Variants in ICA1 observed in about 807,000 individuals in gnomAD.
ICA1 encodes the protein islet cell autoantigen 1, also known as 69 kDa islet cell autoantigen.
In ICA1, 40 loss-of-function variants were observed where a neutral mutation model predicts 71.0. The ratio of observed to expected loss-of-function variants is 0.56; its 90% confidence interval spans 0.44 to 0.73. ICA1 has a LOEUF of 0.73. Ranked by LOEUF, ICA1 falls within the 30% of genes least tolerant of loss-of-function variation. The pLI, the probability that ICA1 is intolerant of heterozygous loss-of-function variation, is 0.00. For missense variants in ICA1, 578 were observed against 576.5 expected (o/e 1.00, Z -0.03); for synonymous variants, 207 against 209.5 (o/e 0.99, Z 0.10).
intron 6 of ICA1, among the ~76,000 whole-genome samples, chr7:8,214,953 T>C (rs754663412): frequency 9.2e-5 from 14 of 152,232 alleles, no homozygotes; most frequent in Non-Finnish European, 1.6e-4. Flanking sequence ...CCACGGAATC[T>C]GGTAGAGGTC....
chr7:8,229,297 G>C (rs939653027), intron 3 of ICA1, among the ~76,000 whole-genome samples: 42 of 152,182 alleles, frequency 2.8e-4, no homozygotes, highest in African/African-American at 9.7e-4. Flanking sequence ...ATAATGCCAT[G>C]CTGTGGCCAT....
chr7:8,203,697 T>G (rs1421544182), intron 6 of ICA1, among the ~76,000 whole-genome samples: 1 of 152,238 alleles, frequency 6.6e-6, no homozygotes, highest in Non-Finnish European at 1.5e-5. Flanking sequence ...TGTTCTTCAC[T>G]GGAAATGTCT....
intron 1 of ICA1, 81 bp from the exon 2 acceptor site, chr7:8,236,086 C>A: frequency 2.8e-6 from 2 of 724,592 alleles, no homozygotes; most frequent in South Asian, 4.0e-5. Flanking sequence ...AAGCCTTCAA[C>A]CTAAGCCATT....
intron 10 of ICA1, among the ~76,000 whole-genome samples, chr7:8,140,494 C>G (rs951155582): frequency 6.6e-6 from 1 of 152,158 alleles, no homozygotes; most frequent in East Asian, 1.9e-4. Context: ...TGCCCAAAGC[C>G]CTACACCTCT....
chr7:8,246,623 A>G (rs1221143302), intron 1 of ICA1, among the ~76,000 whole-genome samples: 1 of 152,234 alleles, frequency 6.6e-6, no homozygotes, highest in Admixed American at 6.5e-5. Context: ...AGTTGTTCTC[A>G]GCCACATCCA....
intron 6 of ICA1, among the ~76,000 whole-genome samples, chr7:8,215,102 CAA>C (rs1344478440): frequency 6.6e-6 from 1 of 152,086 alleles, no homozygotes; most frequent in African/African-American, 2.4e-5. Context: ...CTCCACCTTA[CAA>C]AGAACACAAA....
chr7:8,217,110 G>A (rs1795652169), intron 6 of ICA1, among the ~76,000 whole-genome samples: 1 of 152,180 alleles, frequency 6.6e-6, no homozygotes, highest in African/African-American at 2.4e-5. Context: ...TCTTCTATAA[G>A]ATGAGCGAGT....
At chr7:8,127,828 G>T in intron 13 of ICA1, 45 bp downstream of exon 13, 1 of 1,534,090 alleles carries the variant, frequency 6.5e-7, no homozygotes, top group Non-Finnish European at 8.8e-7. Flanking sequence ...AAAACAAAAA[G>T]AATGAACAAA....
At chr7:8,166,451 T>C (rs574407644) in intron 6 of ICA1, among the ~76,000 whole-genome samples, 194 of 152,258 alleles carry the variant, frequency 1.3e-3, no homozygotes, top group Middle Eastern at 0.01. Flanking sequence ...TGCAGAAGAC[T>C]GAAACTGGAC....
intron 1 of ICA1, among the ~76,000 whole-genome samples, chr7:8,242,323 A>C (rs551857591): frequency 1.3e-5 from 2 of 152,300 alleles, no homozygotes; most frequent in East Asian, 3.9e-4. Flanking sequence ...CTACTGGGTA[A>C]ATAATGAAAT....
intron 6 of ICA1, among the ~76,000 whole-genome samples, chr7:8,180,835 CTCTT>C (rs1369004969): frequency 1.3e-5 from 2 of 149,168 alleles, no homozygotes; most frequent in Admixed American, 6.7e-5. Flanking sequence ...CAGTCTCTCT[CTCTT>C]TTTTTTTTTT....
chr7:8,120,388 G>A (rs972589647), intron 13 of ICA1, among the ~76,000 whole-genome samples: 7 of 152,170 alleles, frequency 4.6e-5, no homozygotes, highest in African/African-American at 1.7e-4. Flanking sequence ...AATTATTTAG[G>A]GGAAGGGTGC....
chr7:8,148,045 G>T (rs532064482), intron 8 of ICA1, among the ~76,000 whole-genome samples: 1 of 152,254 alleles, frequency 6.6e-6, no homozygotes, highest in African/African-American at 2.4e-5. Context: ...CTGCTACGGG[G>T]TGGCATCCTG....
In ICA1 at chr7:8,130,418, G is replaced by A. The variant is rs528418318; in HGVS notation, c.1061-2276C>T. ...TGTGTCCATCAACACCTGTATCTAC[G>A]CATGCTCCCCTCTCCAGCATCACCT... is the stretch of plus-strand genomic sequence containing the variant. On this transcript the variant is annotated intron_variant, in intron 12 of 13. Coordinates refer to ENST00000402384, the MANE Select transcript of ICA1 (RefSeq NM_001136020.3). The surrounding 1 kb of genome is among the most constrained non-coding windows in gnomAD (Gnocchi z 4.2). Among the ~76,000 whole-genome samples, 1 of 152,292 alleles carries A rather than the reference G, an allele frequency of 6.6e-6. No individual in the cohort carries two copies. Among genetic ancestry groups the A allele is most frequent in the East Asian group, 1.9e-4 (1 of 5,186 alleles).
chr7:8,152,883 A>ACCATCACCATCACCT (rs1799990855), intron 8 of ICA1, among the ~76,000 whole-genome samples: 2 of 10,848 alleles, frequency 1.8e-4, no homozygotes, highest in Admixed American at 8.3e-4. Context: ...CATCACCTCC[A>ACCATCACCATCACCT]CCACCACTAC....
chr7:8,235,932 C>T lies in ICA1; in HGVS notation c.-6G>A, dbSNP rs375821263. The T allele has an allele frequency of 9.3e-6, 15 of 1,611,994 alleles. No individual in the cohort carries two copies. Among genetic ancestry groups the T allele is most frequent in the East Asian group, 2.2e-5 (1 of 44,766 alleles). On this transcript the variant is annotated 5_prime_UTR_variant, in exon 2 of 14. Transcript: ENST00000402384. ...TACCATTTGTGTCCTGACATGTTTT[C>T]TTCTTCTTCTATTGTTGATGATTTG...
intron 7 of ICA1, chr7:8,157,546 T>C (rs567484416): frequency 1.1e-3 from 288 of 273,222 alleles, no homozygotes; most frequent in Admixed American, 2.9e-3. Flanking sequence ...CTGATTCTAT[T>C]TCTCCCTCTT....
chr7:8,246,406 T>C (rs1046818978), intron 1 of ICA1, among the ~76,000 whole-genome samples: 3 of 152,176 alleles, frequency 2.0e-5, no homozygotes, highest in African/African-American at 7.2e-5. Flanking sequence ...AATGAGTTGG[T>C]GAGGAGGAGG....
Position 8,143,965 on chromosome 7 carries a change from T to G in ICA1, c.812A>C (p.Gln271Pro). ...CTCAACTAATTTTTTCATAGGGTCT[T>G]GTAAGCTCTTGATCACGAGCCATAG... is the stretch of plus-strand genomic sequence containing the variant. Reference protein sequence around the residue: ...PYEFTTLKSLQDPMKKLVEKE... With the variant: ...PYEFTTLKSLPDPMKKLVEKE... The change falls in exon 9 of 14, where the codon CAA (glutamine) becomes CCA (proline). Residue 271 changes from glutamine (Q) to proline (P), a missense_variant. Coordinates refer to ENST00000402384, the MANE Select transcript of ICA1 (RefSeq NM_001136020.3). The G allele has an allele frequency of 6.4e-7, 1 of 1,555,454 alleles. No homozygotes were observed. Among genetic ancestry groups the G allele is most frequent in the Non-Finnish European group, 8.9e-7 (1 of 1,127,838 alleles).
Sources: allele counts gnomAD v4.1 joint callset (sites outside exome capture counted in the v4.1 genomes callset), GRCh38; gene constraint gnomAD v4.1.1; non-coding constraint Gnocchi (gnomAD v3.1); transcripts MANE v1.5; gene names NCBI Gene and HGNC (gene_info 2026-07-23, HGNC 2026-07-21).